The following FOXN3 variants were observed in gnomAD, a reference collection of about 807,000 sequenced individuals.
The protein encoded by FOXN3 is forkhead box N3, also known as forkhead box protein N3.
Under a neutral mutation model 38.4 loss-of-function variants are expected in FOXN3, and 7 were observed. The ratio of observed to expected loss-of-function variants is 0.18; its 90% CI spans 0.10 to 0.34. The LOEUF is 0.34. Ranked by LOEUF, FOXN3 falls within the 10% of genes least tolerant of loss-of-function variation. The probability of loss-of-function intolerance (pLI) is 1.00; values close to 1 mark genes in which losing one functional copy is unlikely to be tolerated. For missense variants in FOXN3, 456 were observed against 613.4 expected (o/e 0.74, Z 2.71); for synonymous variants, 230 against 242.2 (o/e 0.95, Z 0.47).
chr14:89,597,214 C>A lies in FOXN3; in HGVS notation c.-15+21814G>T, dbSNP rs529728928. 5.9e-5 allele frequency among the ~76,000 whole-genome samples: 9 copies of A among 152,154 alleles called. No individual in the cohort carries two copies. The East Asian group carries it at 1.7e-3, about 29-fold the overall frequency. On this transcript the variant is annotated intron_variant, in intron 1 of 6. Coordinates refer to the FOXN3 transcript ENST00000345097. ...TTTCTACTTTCCATTGCCATTTATT[C>A]TTTGACTTGTGATTGCTTAACTTCT...
Position 89,575,630 on chromosome 14 carries a change from C to T in FOXN3, c.-15+43398G>A, listed in dbSNP as rs74824840. ...ATTTTGGAAGCAGAAGGAGCTGCCA[C>T]GCTCGGGCCCTTGGAGGCTGCTTAG... On this transcript the variant is annotated intron_variant, in intron 1 of 6. Coordinates refer to the FOXN3 transcript ENST00000345097. 3.9e-4 allele frequency among the ~76,000 whole-genome samples: 59 copies of T among 152,264 alleles called. No individual in the cohort carries two copies. In the East Asian group the frequency reaches 8.7e-3, roughly 22 times the overall value.
intron 1 of FOXN3, among the ~76,000 whole-genome samples, chr14:89,528,396 T>C (rs1894476743): frequency 7.5e-6 from 1 of 133,488 alleles, no homozygotes; most frequent in Admixed American, 7.4e-5. Context: ...TTTTTTTTTT[T>C]TTTTTTTTTT....
chr14:89,377,708 C>G (rs1225122709), intron 2 of FOXN3, among the ~76,000 whole-genome samples: 1 of 152,168 alleles, frequency 6.6e-6, no homozygotes, highest in Non-Finnish European at 1.5e-5. Flanking sequence ...GAGAACCTGC[C>G]CTCTACCCAT....
chr14:89,190,294 T>C, intron 4 of FOXN3: 1 of 958,846 alleles, frequency 1.0e-6, no homozygotes, highest in South Asian at 1.5e-5. Flanking sequence ...AGTTCTACTT[T>C]AGCATTAGTT....
intron 1 of FOXN3, among the ~76,000 whole-genome samples, chr14:89,614,906 A>C (rs1896463163): frequency 6.6e-6 from 1 of 152,214 alleles, no homozygotes; most frequent in Non-Finnish European, 1.5e-5. Context: ...CTGCAAATGG[A>C]GGCGGATGCA....
chr14:89,413,210 A>C (rs1026710616), intron 1 of FOXN3, among the ~76,000 whole-genome samples: 16 of 152,200 alleles, frequency 1.1e-4, no homozygotes, highest in African/African-American at 3.9e-4. Flanking sequence ...GTAACACAGA[A>C]AGAACAGTAA....
intron 1 of FOXN3, among the ~76,000 whole-genome samples, chr14:89,485,224 G>A (rs1200239341): frequency 2.0e-5 from 3 of 151,632 alleles, no homozygotes; most frequent in East Asian, 3.9e-4. Context: ...CAGACCTGGG[G>A]GAGAGTGAGG....
chr14:89,335,867 C>G (rs1282698702), intron 3 of FOXN3, among the ~76,000 whole-genome samples: 1 of 151,812 alleles, frequency 6.6e-6, no homozygotes, highest in Admixed American at 6.6e-5. Context: ...ACAGACATAT[C>G]AAAAACAAAT....
chr14:89,281,049 T>C (rs1886446881), intron 3 of FOXN3, 35 bp from the exon 4 acceptor site: 15 of 1,575,086 alleles, frequency 9.5e-6, no homozygotes, highest in African/African-American at 1.3e-5. Context: ...AAGGCCAAGT[T>C]CATCTGCACT....
intron 4 of FOXN3, among the ~76,000 whole-genome samples, chr14:89,207,174 C>T (rs1363641464): frequency 5.3e-5 from 8 of 152,070 alleles, no homozygotes; most frequent in South Asian, 2.1e-4. Context: ...TGAGCCGAGA[C>T]GCACCACTGC....
chr14:89,199,931 A>C (rs549589164), intron 4 of FOXN3, among the ~76,000 whole-genome samples: 199 of 151,554 alleles, frequency 1.3e-3, no homozygotes, highest in African/African-American at 4.0e-3. Flanking sequence ...ACAACAACAA[A>C]AACAACAACA....
At chr14:89,364,477 T>A (rs988885907) in intron 2 of FOXN3, 4 of 152,440 alleles carry the variant, frequency 2.6e-5, no homozygotes, top group African/African-American at 9.7e-5. Context: ...GTTCCTGGGA[T>A]CAGCACCAAC....
intron 3 of FOXN3, among the ~76,000 whole-genome samples, chr14:89,294,345 G>A (rs1886971861): frequency 6.6e-6 from 1 of 152,180 alleles, no homozygotes; most frequent in Non-Finnish European, 1.5e-5. Context: ...CACCAGAGCT[G>A]CCCAATGTCA....
chr14:89,281,077 T>C (rs1886448202), intron 3 of FOXN3, 63 bp from the exon 4 acceptor site: 3 of 1,363,856 alleles, frequency 2.2e-6, no homozygotes, highest in Middle Eastern at 1.8e-4. Context: ...CTGCAACCCC[T>C]TCCCACACTT....
chr14:89,510,065 T>C (rs922234882), intron 1 of FOXN3, among the ~76,000 whole-genome samples: 1 of 152,144 alleles, frequency 6.6e-6, no homozygotes, highest in Non-Finnish European at 1.5e-5. Flanking sequence ...GAGAGGCGGA[T>C]AGATATCAGC....
chr14:89,271,753 A>G (rs946863853), intron 4 of FOXN3, among the ~76,000 whole-genome samples: 8 of 152,244 alleles, frequency 5.3e-5, no homozygotes, highest in African/African-American at 1.9e-4. Flanking sequence ...GAAAGAAGAC[A>G]AAGTTTTCAT....
chr14:89,330,512 C>G (rs142427371), intron 3 of FOXN3, among the ~76,000 whole-genome samples: 1 of 152,270 alleles, frequency 6.6e-6, no homozygotes, highest in East Asian at 1.9e-4. Flanking sequence ...AGGAGCATGT[C>G]GCTTGAATTG....
At chr14:89,395,346 G>A (rs1005693872) in intron 2 of FOXN3, among the ~76,000 whole-genome samples, 6 of 152,112 alleles carry the variant, frequency 3.9e-5, no homozygotes, top group African/African-American at 1.4e-4. Context: ...ATTGAATGGA[G>A]GAATCTAAGG....
chr14:89,294,613 G>T (rs1886980961), intron 3 of FOXN3, among the ~76,000 whole-genome samples: 1 of 152,168 alleles, frequency 6.6e-6, no homozygotes, highest in South Asian at 2.1e-4. Flanking sequence ...GGATAAAACA[G>T]ATTGCATTAA....
Sources: gnomAD v4.1 joint callset for allele counts (sites outside exome capture counted in the v4.1 genomes callset) on GRCh38, gnomAD v4.1.1 for gene constraint, MANE v1.5 for transcripts, NCBI Gene and HGNC (gene_info 2026-07-23, HGNC 2026-07-21) for gene names.